Variants in ORC2 observed in about 807,000 individuals in gnomAD.
The protein encoded by ORC2 is origin recognition complex subunit 2, also known as origin recognition complex protein 2 homolog.
Under a neutral mutation model 77.7 loss-of-function variants are expected in ORC2, and 37 were observed. The observed-to-expected ratio is 0.48, with a 90% CI of 0.37 to 0.63. The LOEUF (loss-of-function observed/expected upper bound fraction) is 0.63. ORC2 is among the 20% of genes least tolerant of loss of function. The pLI is 0.00. For missense variants in ORC2, 557 were observed against 661.9 expected, an observed-to-expected ratio of 0.84 and a Z score of 1.74; for synonymous variants, 201 against 229.5, an observed-to-expected ratio of 0.88 and a Z score of 1.12.
At chr2:200,948,317 G>A (rs1292216974) in intron 5 of ORC2, among the ~76,000 whole-genome samples, 1 of 152,118 alleles carries the variant, frequency 6.6e-6, no homozygotes, top group African/African-American at 2.4e-5. Context: ...CCAAAGTGCT[G>A]AGATTACAGG....
chr2:200,960,784 C>CT (rs977532131), intron 1 of ORC2, among the ~76,000 whole-genome samples: 2 of 149,818 alleles, frequency 1.3e-5, no homozygotes, highest in African/African-American at 2.4e-5. Context: ...CTAACTTCTT[C>CT]TTTTTTTTTT....
chr2:200,935,975 C>A, intron 8 of ORC2, 83 bp from the exon 9 acceptor site: 1 of 1,135,986 alleles, frequency 8.8e-7, no homozygotes, highest in South Asian at 1.6e-5. Context: ...AGTGGGGGCT[C>A]TGTAGTAAGA....
At chr2:200,916,135 A>AAT (rs1366604363) in intron 15 of ORC2, among the ~76,000 whole-genome samples, 2 of 152,204 alleles carry the variant, frequency 1.3e-5, no homozygotes, top group Non-Finnish European at 2.9e-5. Flanking sequence ...AAATAGTTTA[A>AAT]ATAAGAAAAT....
intron 17 of ORC2, among the ~76,000 whole-genome samples, chr2:200,912,524 T>A (rs2040568449): frequency 6.6e-6 from 1 of 152,126 alleles, no homozygotes; most frequent in Admixed American, 6.5e-5. Context: ...CAAGTGATCC[T>A]CCCACCTCAG....
intron 5 of ORC2, among the ~76,000 whole-genome samples, chr2:200,944,917 CAG>C (rs1299857278): frequency 6.6e-6 from 1 of 152,136 alleles, no homozygotes; most frequent in Non-Finnish European, 1.5e-5. Context: ...TTCTTTATGT[CAG>C]GGGTCAGCAA....
At position 200,910,698 on chromosome 2, in the gene ORC2, A is replaced by G. The variant is rs2040536399; in HGVS notation, c.*603T>C. The G allele has an allele frequency of 6.6e-6, 1 of 152,568 alleles. No individual in the cohort carries two copies. Among genetic ancestry groups the G allele is most frequent in the Non-Finnish European group, 1.5e-5 (1 of 68,396 alleles). 9.5% of individuals were successfully genotyped at this position (152,568 alleles called of 1,614,324 possible). A position where few individuals can be genotyped will look rare whatever the true frequency, so the allele number is the denominator to read the frequency against. ...TTTCCCATTATCCCAACTGAATAGTATTATAATATATTCCCTCCCCTGCCC... is the reference window on the plus strand; with the variant it reads ...TTTCCCATTATCCCAACTGAATAGTGTTATAATATATTCCCTCCCCTGCCC... On this transcript the variant is annotated 3_prime_UTR_variant, in exon 18 of 18. Transcript: ENST00000234296.
Position 200,911,089 on chromosome 2 carries a change from T to G in ORC2, c.*212A>C. The G allele has an allele frequency of 2.3e-6, 1 of 427,576 alleles. No individual in the cohort carries two copies. The highest frequency in any genetic ancestry group is 3.5e-5 in the East Asian group (1 of 28,444). 26.5% of individuals were successfully genotyped at this position (427,576 alleles called of 1,614,324 possible). A position where few individuals can be genotyped will look rare whatever the true frequency, so the allele number is the denominator to read the frequency against. On this transcript the variant is annotated 3_prime_UTR_variant, in exon 18 of 18. Coordinates refer to ENST00000234296, the MANE Select transcript of ORC2 (RefSeq NM_006190.5). Reference sequence around the variant, plus strand: ...GAGAGGTAATGAATGAAAGGCACATTTTCTCCAACTTGAGGACCGCTGCAT... The same window carrying G: ...GAGAGGTAATGAATGAAAGGCACATGTTCTCCAACTTGAGGACCGCTGCAT...
At chr2:200,932,362 C>CA (rs1283942124) in intron 10 of ORC2, among the ~76,000 whole-genome samples, 5 of 118,722 alleles carry the variant, frequency 4.2e-5, no homozygotes, top group Admixed American at 2.1e-4. Context: ...TTTTTTGAGA[C>CA]AGAGTCTTGC....
chr2:200,948,388 A>G (rs990898606), intron 5 of ORC2, among the ~76,000 whole-genome samples: 1 of 152,170 alleles, frequency 6.6e-6, no homozygotes, highest in African/African-American at 2.4e-5. Flanking sequence ...TTTTAAGGTT[A>G]TATGTAATTT....
chr2:200,925,403 G>T (rs961143232), intron 13 of ORC2, among the ~76,000 whole-genome samples: 1 of 152,012 alleles, frequency 6.6e-6, no homozygotes, highest in African/African-American at 2.4e-5. Context: ...CATAGAAAAA[G>T]GACAAACTTT....
At chr2:200,932,935 T>G (rs1262023146) in intron 10 of ORC2, among the ~76,000 whole-genome samples, 1 of 152,214 alleles carries the variant, frequency 6.6e-6, no homozygotes, top group Non-Finnish European at 1.5e-5. Context: ...TTGTATTGGT[T>G]AGCTATGCTA....
Position 200,933,912 on chromosome 2 carries a change from T to C in ORC2, c.771A>G (p.Arg257=). The stretch of plus-strand genomic sequence containing the variant: ...TAGCTCTCTTTAGCTTCTGCAGTGT[T>C]CTATCAGAGGTTAAAACTTTTGAAC... ...HSSSKVLTSD[R]TLQKLKRAKL... is the part of the protein sequence containing the mutation. The change falls in exon 10 of 18, where the codon AGA becomes AGG. Residue 257 remains arginine, a synonymous_variant. Coordinates refer to ENST00000234296, the MANE Select transcript of ORC2 (RefSeq NM_006190.5). 14 of 1,611,036 alleles carry C rather than the reference T, an allele frequency of 8.7e-6. No individual in the cohort carries two copies. The highest frequency in any genetic ancestry group is 1.2e-5 in the Non-Finnish European group (14 of 1,178,210).
intron 4 of ORC2, among the ~76,000 whole-genome samples, chr2:200,954,908 A>G (rs11898569): frequency 0.069 from 4,434 of 64,482 alleles, 96 homozygotes; most frequent in Middle Eastern, 0.2. Flanking sequence ...ATGAATGAAT[A>G]AATAAATAAA....
intron 15 of ORC2, among the ~76,000 whole-genome samples, chr2:200,916,360 C>T (rs1414046893): frequency 6.6e-6 from 1 of 151,952 alleles, no homozygotes; most frequent in Non-Finnish European, 1.5e-5. Context: ...GTGCATGCCT[C>T]TAGTCCCCGC....
intron 10 of ORC2, 47 bp from the exon 11 acceptor site, chr2:200,931,495 A>G: frequency 1.0e-6 from 1 of 962,684 alleles, no homozygotes; most frequent in Non-Finnish European, 1.6e-6. Flanking sequence ...CAAAGCACAG[A>G]CAGCAAATCA....
chr2:200,927,344 A>G (rs1276099098), intron 11 of ORC2, among the ~76,000 whole-genome samples: 3 of 151,930 alleles, frequency 2.0e-5, no homozygotes, highest in Non-Finnish European at 2.9e-5. Context: ...TTGGCCCCCA[A>G]AATTGCTGGG....
chr2:200,961,610 T>C (rs1357382313), intron 1 of ORC2, among the ~76,000 whole-genome samples: 2 of 152,186 alleles, frequency 1.3e-5, no homozygotes, highest in African/African-American at 2.4e-5. Flanking sequence ...ACATCACTAG[T>C]TCTATCAAGC....
chr2:200,963,644 G>T lies in ORC2; in HGVS notation c.-214C>A. 1 of 398,568 alleles carries T rather than the reference G, an allele frequency of 2.5e-6. No individual in the cohort carries two copies. The highest frequency in any genetic ancestry group is 4.4e-5 in the Admixed American group (1 of 22,734). 24.7% of individuals were successfully genotyped at this position (398,568 alleles called of 1,614,324 possible). On this transcript the variant is annotated 5_prime_UTR_variant, in exon 1 of 18. Transcript: ENST00000234296. ...ACCACCGGGGAGGTAAGGAGCACCG[G>T]AGGCCAGCTGGGGGATGGGAAGCCT... is the stretch of plus-strand genomic sequence containing the variant.
At chr2:200,959,628 G>A (rs555081793) in intron 1 of ORC2, among the ~76,000 whole-genome samples, 188 bp from the exon 2 acceptor site, 34 of 152,332 alleles carry the variant, frequency 2.2e-4, no homozygotes, top group African/African-American at 7.7e-4. Flanking sequence ...GGAAGCCCTA[G>A]ATACTGAGAA....
Sources: gnomAD v4.1 joint callset for allele counts (sites outside exome capture counted in the v4.1 genomes callset) on GRCh38, gnomAD v4.1.1 for gene constraint, MANE v1.5 for transcripts, NCBI Gene and HGNC (gene_info 2026-07-23, HGNC 2026-07-21) for gene names.